UNC79: variants seen among roughly 807,000 people sequenced by gnomAD.
UNC79 encodes the protein unc-79 subunit of NALCN channel complex, also known as protein unc-79 homolog.
A neutral mutation model predicts 283.1 loss-of-function variants in UNC79; 37 were observed. That is an observed-to-expected ratio of 0.13 (90% confidence interval 0.10 to 0.17). UNC79 has a LOEUF of 0.17. UNC79 is among the 10% of genes least tolerant of loss of function. The probability of loss-of-function intolerance (pLI) is 1.00; values close to 1 mark genes in which losing one functional copy is unlikely to be tolerated. For synonymous variants in UNC79, 1,107 were observed against 1,200.2 expected (o/e 0.92, Z 1.61); for missense variants, 2,272 against 3,211.1 (o/e 0.71, Z 7.07).
intron 1 of UNC79, among the ~76,000 whole-genome samples, chr14:93,438,112 A>T (rs914171013): frequency 6.6e-6 from 1 of 152,172 alleles, no homozygotes; most frequent in African/African-American, 2.4e-5. Flanking sequence ...ATGCATTCCT[A>T]TATGAAGTAT....
intron 1 of UNC79, chr14:93,347,255 T>C: frequency 6.3e-7 from 1 of 1,593,262 alleles, no homozygotes; most frequent in Non-Finnish European, 8.5e-7. Flanking sequence ...TGGCTTTGTC[T>C]CACCTGACGC....
chr14:93,624,136 C>T (rs2067357680), intron 30 of UNC79, among the ~76,000 whole-genome samples: 1 of 152,162 alleles, frequency 6.6e-6, no homozygotes, highest in African/African-American at 2.4e-5. Context: ...CTGTTCCACA[C>T]AAAAGCCACT....
intron 35 of UNC79, among the ~76,000 whole-genome samples, chr14:93,648,671 T>C (rs1214174195): frequency 2.0e-5 from 3 of 151,660 alleles, no homozygotes; most frequent in Admixed American, 2.0e-4. Context: ...TTGGTAGTGG[T>C]AGAGGAGGGG....
rs560650252 is a variant in UNC79, at chr14:93,690,411, C to A, written c.7272+108C>A. ...AAGAAAATACATCTTATCATTTGCC[C>A]TCCTGTGGATGTTAGAAACACAACT... On this transcript the variant is annotated intron_variant, in intron 45 of 48. Coordinates refer to ENST00000555664, the Ensembl canonical transcript of UNC79. This position sits in a 1 kb window ranked among gnomAD's most constrained non-coding sequence, Gnocchi z 4.3. 2.2e-5 allele frequency: 28 copies of A among 1,296,058 alleles called. No homozygotes were observed. In the South Asian group the frequency reaches 4.1e-4, roughly 19 times the overall value. 80.3% of individuals were successfully genotyped at this position (1,296,058 alleles called of 1,614,324 possible).
At chr14:93,643,724 G>A (rs763690793) in intron 34 of UNC79, 27 bp downstream of exon 37, 11 of 1,609,998 alleles carry the variant, frequency 6.8e-6, no homozygotes, top group Admixed American at 1.7e-5. Context: ...GTTTTGTTTG[G>A]TAGGAAGGTC....
In UNC79 at chr14:93,617,145, G is replaced by A; in HGVS notation, c.4065G>A (p.Leu1355=). ...AGGTTATGGACTATAACATTAACTT[G>A]GGAAAACACCTTCTCCCCTTAGTGG... The change falls in exon 28 of 49, where the codon TTG becomes TTA. Residue 1355 remains leucine, a synonymous_variant. Transcript: ENST00000555664. This position sits in a 1 kb window ranked among gnomAD's most constrained non-coding sequence, Gnocchi z 4.5. 5.6e-6 allele frequency: 9 copies of A among 1,612,980 alleles called. No homozygotes were observed. The highest frequency in any genetic ancestry group is 7.6e-6 in the Non-Finnish European group (9 of 1,179,414).
intron 27 of UNC79, among the ~76,000 whole-genome samples, chr14:93,615,014 A>C (rs1288136869): frequency 6.6e-6 from 1 of 152,214 alleles, no homozygotes; most frequent in African/African-American, 2.4e-5. Context: ...AGCTGCACCA[A>C]TCTGCAAAGA....
intron 14 of UNC79, among the ~76,000 whole-genome samples, chr14:93,550,514 C>CAAAAAAA (rs1205210121): frequency 1.7e-3 from 32 of 19,166 alleles, no homozygotes; most frequent in African/African-American, 2.7e-3. Flanking sequence ...GACTCCGTAT[C>CAAAAAAA]AAAAAAAAAA....
At chr14:93,659,918 A>G (rs2071355481) in intron 39 of UNC79, among the ~76,000 whole-genome samples, 1 of 152,184 alleles carries the variant, frequency 6.6e-6, no homozygotes, top group African/African-American at 2.4e-5. Context: ...CATTTAATGA[A>G]AAAACATATT....
intron 47 of UNC79, among the ~76,000 whole-genome samples, chr14:93,695,902 A>AAAAAAAAAAAAAAAAAAAAAAAAAAG (rs1344209641): frequency 6.7e-6 from 1 of 148,504 alleles, no homozygotes; most frequent in Non-Finnish European, 1.5e-5. Flanking sequence ...AAAAAAAAAA[A>AAAAAAAAAAAAAAAAAAAAAAAAAAG]AAAAAAAAGC....
At chr14:93,475,399 C>A (rs977585168) in intron 3 of UNC79, among the ~76,000 whole-genome samples, 3 of 151,948 alleles carry the variant, frequency 2.0e-5, no homozygotes, top group South Asian at 2.1e-4. Flanking sequence ...TTTAGTACAA[C>A]GTGTTCATAA....
intron 19 of UNC79, among the ~76,000 whole-genome samples, chr14:93,581,903 C>G (rs562621515): frequency 5.9e-5 from 9 of 152,300 alleles, no homozygotes; most frequent in African/African-American, 2.2e-4. Flanking sequence ...GGACACTGAT[C>G]TTGGAGACTA....
chr14:93,620,195 C>T (rs776666111), intron 29 of UNC79, among the ~76,000 whole-genome samples: 1 of 152,252 alleles, frequency 6.6e-6, no homozygotes, highest in Middle Eastern at 3.4e-3. Flanking sequence ...ACGTGGTAAG[C>T]GCCTCAGAGA....
intron 20 of UNC79, among the ~76,000 whole-genome samples, chr14:93,583,415 G>C (rs1386924395): frequency 1.3e-5 from 2 of 152,198 alleles, no homozygotes; most frequent in Non-Finnish European, 2.9e-5. Flanking sequence ...TCTTCAGTGA[G>C]CAGCAGATAT....
At chr14:93,529,260 A>G (rs750986813) in intron 9 of UNC79, 26 bp from the exon 10 acceptor site, 9 of 1,612,698 alleles carry the variant, frequency 5.6e-6, no homozygotes, top group African/African-American at 2.7e-5. Flanking sequence ...ATGAAGCTCA[A>G]AAATGAATTT....
At chr14:93,661,706 G>T (rs1157820661) in intron 39 of UNC79, among the ~76,000 whole-genome samples, 1 of 152,174 alleles carries the variant, frequency 6.6e-6, no homozygotes, top group Non-Finnish European at 1.5e-5. Context: ...AACACTGATG[G>T]AGAGCTTACT....
intron 26 of UNC79, among the ~76,000 whole-genome samples, chr14:93,612,069 C>CGAA (rs1007709758): frequency 1.3e-5 from 2 of 152,224 alleles, no homozygotes; most frequent in Non-Finnish European, 2.9e-5. Flanking sequence ...AGGCCAAGGG[C>CGAA]GAAGGTATTT....
chr14:93,495,506 T>A (rs993209864), intron 5 of UNC79, among the ~76,000 whole-genome samples: 1 of 152,162 alleles, frequency 6.6e-6, no homozygotes, highest in Admixed American at 6.5e-5. Context: ...AGCTTAACCA[T>A]ATCAATTGGC....
intron 22 of UNC79, among the ~76,000 whole-genome samples, chr14:93,587,421 C>T (rs943356421): frequency 2.2e-4 from 34 of 152,180 alleles, no homozygotes; most frequent in Non-Finnish European, 8.8e-5. Context: ...CTTTTGCAAT[C>T]TTCCTGGAAA....
Sources: allele counts gnomAD v4.1 joint callset (sites outside exome capture counted in the v4.1 genomes callset), GRCh38; gene constraint gnomAD v4.1.1; non-coding constraint Gnocchi (gnomAD v3.1); transcripts MANE v1.5; gene names NCBI Gene and HGNC (gene_info 2026-07-23, HGNC 2026-07-21).